RALGDS: variants seen among roughly 807,000 people sequenced by gnomAD.
The protein encoded by RALGDS is ral guanine nucleotide exchange factor.
In RALGDS, 44 loss-of-function variants were observed where a neutral mutation model predicts 99.8. That is an observed-to-expected ratio of 0.44 (90% confidence interval 0.35 to 0.57). RALGDS has a LOEUF of 0.57. Ranked by LOEUF, RALGDS falls within the 20% of genes least tolerant of loss-of-function variation. The pLI is 0.01. For synonymous variants in RALGDS, 529 were observed against 505.0 expected, an observed-to-expected ratio of 1.05 and a Z score of -0.64; for missense variants, 1,022 against 1,203.1, an observed-to-expected ratio of 0.85 and a Z score of 2.23.
chr9:133,101,584 C>T lies in RALGDS; in HGVS notation c.2390G>A (p.Gly797Asp), dbSNP rs1830758234. The T allele has an allele frequency of 1.2e-6, 2 of 1,612,782 alleles. No individual in the cohort carries two copies. The highest frequency in any genetic ancestry group is 1.3e-5 in the African/African-American group (1 of 75,076). Reference sequence around the variant, plus strand: ...GCTGACGCGGATGATACAGCAGTCGCCCACCTGCTGGTTGTAGAGCGGCAG... The same window carrying T: ...GCTGACGCGGATGATACAGCAGTCGTCCACCTGCTGGTTGTAGAGCGGCAG... ...SALPLYNQQV[G>D]DCCIIRVSLD... The change falls in exon 16 of 18, where the codon GGC becomes GAC. Residue 797 changes from glycine (G) to aspartate (D), a missense_variant. Around this residue, in one of 3 missense-constraint regions of RALGDS, gnomAD observed 825 missense variants for 994.5 expected, o/e 0.83. Transcript: ENST00000372050.
At chr9:133,114,621 G>A (rs1000139305) in intron 1 of RALGDS, among the ~76,000 whole-genome samples, 1 of 152,256 alleles carries the variant, frequency 6.6e-6, no homozygotes, top group African/African-American at 2.4e-5. Flanking sequence ...GCCGGGCTGG[G>A]AGCTCAGAGC....
chr9:133,129,424 TG>T, intron 1 of RALGDS: 1 of 1,410,846 alleles, frequency 7.1e-7, no homozygotes, highest in Non-Finnish European at 9.2e-7. Context: ...TGCCTGGGCC[TG>T]GTGTCACCCG....
chr9:133,109,595 G>A (rs773900810), intron 4 of RALGDS, 31 bp downstream of exon 4: 2 of 1,573,256 alleles, frequency 1.3e-6, no homozygotes, highest in South Asian at 2.2e-5. Flanking sequence ...TGGGGACAGG[G>A]TCCCTTCCTC....
chr9:133,110,273 T>G, intron 3 of RALGDS, 23 bp downstream of exon 3: 1 of 1,607,894 alleles, frequency 6.2e-7, no homozygotes, highest in Non-Finnish European at 8.5e-7. Flanking sequence ...GTGCACCCTG[T>G]GCAGTGGAGG....
Position 133,101,507 on chromosome 9 carries a change from C to G in RALGDS, c.2454+13G>C. The stretch of plus-strand genomic sequence containing the variant: ...AGTGGAGGGAGGCACCCAGGCCACC[C>G]CCGCCGGCTTACCAGGATGCTCTTG... On this transcript the variant is annotated intron_variant, in intron 16 of 17. Transcript: ENST00000372050. The G allele has an allele frequency of 6.2e-7, 1 of 1,611,032 alleles. No individual in the cohort carries two copies. The highest frequency in any genetic ancestry group is 8.5e-7 in the Non-Finnish European group (1 of 1,179,844).
chr9:133,120,793 G>A (rs1831891724), intron 1 of RALGDS, among the ~76,000 whole-genome samples, 179 bp downstream of exon 1: 1 of 151,462 alleles, frequency 6.6e-6, no homozygotes, highest in Admixed American at 6.6e-5. Context: ...AGCCCCCACT[G>A]CCCACCCTGC....
chr9:133,100,856 C>A, intron 16 of RALGDS: 2 of 1,064,886 alleles, frequency 1.9e-6, no homozygotes, highest in Non-Finnish European at 2.3e-6. Context: ...GGACATAGGG[C>A]CACAGGTGAC....
intron 1 of RALGDS, among the ~76,000 whole-genome samples, chr9:133,143,786 C>CAACAATAATAAT (rs1398814466): frequency 3.2e-5 from 4 of 125,510 alleles, no homozygotes; most frequent in African/African-American, 1.4e-4. Flanking sequence ...ACAACAACAA[C>CAACAATAATAAT]AATAATAATA....
chr9:133,129,425 G>C, intron 1 of RALGDS: 1 of 1,411,500 alleles, frequency 7.1e-7, no homozygotes, highest in African/African-American at 1.5e-5. Flanking sequence ...GCCTGGGCCT[G>C]GTGTCACCCG....
chr9:133,106,022 A>C lies in RALGDS; in HGVS notation c.1518-6T>G. ...GAAAGATCCGGAAACTGTCCCTGTC[A>C]GAAGGGCAAAGAAGGAAAGAGAAAG... is the stretch of plus-strand genomic sequence containing the variant. On this transcript the variant is annotated splice_region_variant and splice_polypyrimidine_tract_variant and intron_variant, in intron 8 of 17. Coordinates refer to ENST00000372050, the MANE Select transcript of RALGDS (RefSeq NM_006266.4). 6.2e-7 allele frequency: 1 copy of C among 1,603,420 alleles called. No individual in the cohort carries two copies. The highest frequency in any genetic ancestry group is 8.5e-7 in the Non-Finnish European group (1 of 1,173,318).
chr9:133,103,212 C>T lies in RALGDS; in HGVS notation c.1791+18G>A. On this transcript the variant is annotated intron_variant, in intron 12 of 17. Coordinates refer to ENST00000372050, the MANE Select transcript of RALGDS (RefSeq NM_006266.4). Reference sequence around the variant, plus strand: ...TTTTCCACCCCTCCCCAAGTCAGGGCTGCCTGCAGCTGCTTACCTTCCTCC... The same window carrying T: ...TTTTCCACCCCTCCCCAAGTCAGGGTTGCCTGCAGCTGCTTACCTTCCTCC... 6.2e-7 allele frequency: 1 copy of T among 1,613,838 alleles called. No individual in the cohort carries two copies. The highest frequency in any genetic ancestry group is 1.1e-5 in the South Asian group (1 of 91,090).
intron 1 of RALGDS, among the ~76,000 whole-genome samples, chr9:133,117,961 C>T (rs909346540): frequency 2.0e-5 from 3 of 152,208 alleles, no homozygotes; most frequent in Non-Finnish European, 2.9e-5. Context: ...AGAATCAGAC[C>T]CCAGCTCTGG....
At position 133,129,242 on chromosome 9, in the gene RALGDS, C is replaced by T. The variant is rs1340082021; in HGVS notation, c.132+1710G>A. On this transcript the variant is annotated intron_variant, in intron 1 of 17. Coordinates refer to the RALGDS transcript ENST00000372062. The stretch of plus-strand genomic sequence containing the variant: ...TCTCCTGGCGGTCACCACAGAGACA[C>T]AGGCAAAGAACACAGAGCCCTTCCT... 7 of 1,597,108 alleles carry T rather than the reference C, an allele frequency of 4.4e-6. No homozygotes were observed. The East Asian group carries it at 1.1e-4, about 25-fold the overall frequency.
At position 133,108,527 on chromosome 9, in the gene RALGDS, ACT is replaced by A; in HGVS notation, c.779-123_779-122del. 2.9e-6 allele frequency: 4 copies of A among 1,401,876 alleles called. No homozygotes were observed. The East Asian group carries it at 1.0e-4, about 35-fold the overall frequency. The allele number at this position is 1,401,876 out of a possible 1,614,324, so 86.8% of individuals were successfully genotyped here. A position where few individuals can be genotyped will look rare whatever the true frequency, so the allele number is the denominator to read the frequency against. ...GAACCCACAAAACGTGTACCAGGCC[ACT>A]CTCCTGCCTGTGGTCCCTGCCTGTG... On this transcript the variant is annotated intron_variant, in intron 5 of 17. Transcript: ENST00000372050.
chr9:133,100,316 C>T lies in RALGDS; in HGVS notation c.2521G>A (p.Glu841Lys). Residue 841 changes from glutamate (E) to lysine (K), a missense_variant, in exon 17 of 18, where the codon GAG (glutamate) becomes AAG (lysine). Coordinates refer to ENST00000372050, the MANE Select transcript of RALGDS (RefSeq NM_006266.4). ...AGCAGCTCATAGTCCTCCGGCTCCT[C>T]CTCCTCCAGGTTGTGTTTGTCCATG... ...KAMDKHNLEEEEPEDYELLQI... is the reference protein window; with the variant it reads ...KAMDKHNLEEKEPEDYELLQI... The T allele has an allele frequency of 6.2e-7, 1 of 1,614,246 alleles. No homozygotes were observed. Among genetic ancestry groups the T allele is most frequent in the Non-Finnish European group, 8.5e-7 (1 of 1,180,040 alleles).
intron 1 of RALGDS, among the ~76,000 whole-genome samples, chr9:133,116,199 C>A (rs1831601950): frequency 1.3e-5 from 2 of 152,254 alleles, no homozygotes; most frequent in African/African-American, 2.4e-5. Flanking sequence ...TGGACCCAAC[C>A]CTGATCCCCA....
rs563038895 is a variant in RALGDS at position 133,128,551 on chromosome 9, A to C, written c.132+2401T>G. ...CCATCCTGGCCCCGGACTCCTTGGAAATGCTCCACAAAGTGCCAGCTGGAA... is the reference window on the plus strand; with the variant it reads ...CCATCCTGGCCCCGGACTCCTTGGACATGCTCCACAAAGTGCCAGCTGGAA... On this transcript the variant is annotated intron_variant, in intron 1 of 17. Coordinates refer to the RALGDS transcript ENST00000372062. 3.9e-5 allele frequency among the ~76,000 whole-genome samples: 6 copies of C among 152,208 alleles called. No individual in the cohort carries two copies. The South Asian group carries it at 1.2e-3, about 32-fold the overall frequency.
Position 133,107,285 on chromosome 9 carries a change from C to T in RALGDS, c.1213G>A (p.Val405Met), listed in dbSNP as rs746431765. The change falls in exon 7 of 18, where the codon GTG (valine) becomes ATG (methionine). Residue 405 changes from valine to methionine, a missense_variant. Physicochemically the swap from Val to Met is conservative, Grantham distance 21. This residue lies in a region of RALGDS where 825 missense variants were observed against 994.5 expected (regional missense o/e 0.83). Coordinates refer to ENST00000372050, the MANE Select transcript of RALGDS (RefSeq NM_006266.4). Reference protein sequence around the residue: ...TLMDAELFKKVVPYHCLGSIW... With the variant: ...TLMDAELFKKMVPYHCLGSIW... ...GAGCCCAGGCAGTGGTAGGGCACCACCTTCTTGAACAGTTCCTGGGGAGGA... is the reference window on the plus strand; with the variant it reads ...GAGCCCAGGCAGTGGTAGGGCACCATCTTCTTGAACAGTTCCTGGGGAGGA... 6.2e-7 allele frequency: 1 copy of T among 1,613,450 alleles called. No homozygotes were observed. The highest frequency in any genetic ancestry group is 1.6e-4 in the Middle Eastern group (1 of 6,062).
intron 1 of RALGDS, among the ~76,000 whole-genome samples, chr9:133,127,914 G>C (rs1002943811): frequency 1.1e-4 from 17 of 152,248 alleles, no homozygotes; most frequent in African/African-American, 4.1e-4. Context: ...CCGATGCCGG[G>C]AGCAGTGCAA....
Sources: gnomAD v4.1 joint callset for allele counts (sites outside exome capture counted in the v4.1 genomes callset) on GRCh38, gnomAD v4.1.1 for gene constraint, gnomAD v4.1.1 regional missense constraint, MANE v1.5 for transcripts, NCBI Gene and HGNC (gene_info 2026-07-23, HGNC 2026-07-21) for gene names.